Variants in PTPRD observed in about 807,000 individuals in gnomAD.
The protein encoded by PTPRD is protein tyrosine phosphatase receptor type D, also known as receptor-type tyrosine-protein phosphatase delta.
In PTPRD, 34 loss-of-function variants were observed where a neutral mutation model predicts 214.5. That is an observed-to-expected ratio of 0.16 (90% CI 0.12 to 0.21). The LOEUF (loss-of-function observed/expected upper bound fraction) is 0.21. Ranked by LOEUF, PTPRD falls within the 10% of genes least tolerant of loss-of-function variation. The pLI, the probability that PTPRD is intolerant of heterozygous loss-of-function variation, is 1.00. For synonymous variants in PTPRD, 1,128 were observed against 845.7 expected, an observed-to-expected ratio of 1.33 and a Z score of -5.79; for missense variants, 2,545 against 2,398.7, an observed-to-expected ratio of 1.06 and a Z score of -1.27.
At chr9:8,341,067 G>C in intron 41 of PTPRD, 23 bp downstream of exon 41, 1 of 1,562,330 alleles carries the variant, frequency 6.4e-7, no homozygotes, top group Non-Finnish European at 8.7e-7. Flanking sequence ...GCTTTGGATA[G>C]TCAGGGGAGC....
rs112253321 is a variant in PTPRD, at chr9:9,771,545, A to G, written c.-367-4694T>C. Among the ~76,000 whole-genome samples the G allele has an allele frequency of 9.3e-4, 141 of 152,214 alleles. 1 individual carries two copies. Among genetic ancestry groups the G allele is most frequent in the African/African-American group, 3.2e-3 (131 of 41,470 alleles). On this transcript the variant is annotated intron_variant, in intron 5 of 45. Transcript: ENST00000381196. ...TCCCTGTCAAAGCTGTCAGAAGATC[A>G]TAAGGATAGGCAGCAGAGTTACTCC...
chr9:9,907,468 T>C (rs1257439250), intron 5 of PTPRD, among the ~76,000 whole-genome samples: 1 of 152,000 alleles, frequency 6.6e-6, no homozygotes, highest in African/African-American at 2.4e-5. Context: ...GGCTTGACCA[T>C]GGTTGTCTTC....
At chr9:8,661,042 C>T (rs1372171070) in intron 12 of PTPRD, among the ~76,000 whole-genome samples, 1 of 152,034 alleles carries the variant, frequency 6.6e-6, no homozygotes, top group African/African-American at 2.4e-5. Flanking sequence ...GATGATGAAT[C>T]TGAGGCTTAT....
At chr9:10,471,939 A>G (rs1311607022) in intron 2 of PTPRD, among the ~76,000 whole-genome samples, 1 of 152,126 alleles carries the variant, frequency 6.6e-6, no homozygotes, top group African/African-American at 2.4e-5. Flanking sequence ...ACAAGGCCCG[A>G]CAATTCAAAA....
intron 11 of PTPRD, among the ~76,000 whole-genome samples, chr9:8,871,769 G>A (rs2098303350): frequency 7.0e-6 from 1 of 142,562 alleles, no homozygotes; most frequent in Non-Finnish European, 1.6e-5. Flanking sequence ...ATTTTACCTT[G>A]GTACAGCAAT....
rs901752537 is a variant in PTPRD at position 9,899,174 on chromosome 9, TC to T, written c.-368+39332del. Reference sequence around the variant, plus strand: ...CCAAGAAGAAGTACTTAGGAACAAATCTAACAAAATATGTAGAGAATCTGTA... The same window carrying T: ...CCAAGAAGAAGTACTTAGGAACAAATTAACAAAATATGTAGAGAATCTGTA... On this transcript the variant is annotated intron_variant, in intron 5 of 45. Coordinates refer to ENST00000381196, the MANE Select transcript of PTPRD (RefSeq NM_002839.4). Among the ~76,000 whole-genome samples, 45 of 151,968 alleles carry T rather than the reference TC, an allele frequency of 3.0e-4. 1 individual carries two copies. Among genetic ancestry groups the T allele is most frequent in the Admixed American group, 3.9e-4 (6 of 15,238 alleles).
chr9:10,261,649 G>A (rs949361677), intron 3 of PTPRD, among the ~76,000 whole-genome samples: 1 of 152,034 alleles, frequency 6.6e-6, no homozygotes, highest in Non-Finnish European at 1.5e-5. Context: ...CAATGATGCA[G>A]TATAATTTCT....
chr9:8,845,340 C>T (rs576669605), intron 11 of PTPRD, among the ~76,000 whole-genome samples: 2 of 152,178 alleles, frequency 1.3e-5, no homozygotes, highest in Non-Finnish European at 2.9e-5. Flanking sequence ...GAAAAAAAGT[C>T]GCCAAATCGT....
At chr9:10,070,089 T>C (rs190612513) in intron 3 of PTPRD, among the ~76,000 whole-genome samples, 2 of 152,126 alleles carry the variant, frequency 1.3e-5, no homozygotes, top group Admixed American at 1.3e-4. Context: ...AAAAAGGTAA[T>C]TCCCTTGCTC....
chr9:8,729,042 C>T (rs376391806), intron 12 of PTPRD, among the ~76,000 whole-genome samples: 1 of 152,152 alleles, frequency 6.6e-6, no homozygotes, highest in African/African-American at 2.4e-5. Context: ...TGGCCACTCA[C>T]TCTCTTTCTC....
chr9:9,428,497 G>A (rs1235262212), intron 8 of PTPRD, among the ~76,000 whole-genome samples: 1 of 152,148 alleles, frequency 6.6e-6, no homozygotes, highest in Non-Finnish European at 1.5e-5. Context: ...AGATCAATGA[G>A]ACAGAAAGTT....
chr9:9,865,903 C>G (rs1415207017), intron 5 of PTPRD, among the ~76,000 whole-genome samples: 9 of 152,166 alleles, frequency 5.9e-5, no homozygotes, highest in African/African-American at 2.2e-4. Flanking sequence ...TCTGTAATGG[C>G]TTCCAATTGT....
At chr9:9,805,463 G>C (rs1263540763) in intron 5 of PTPRD, among the ~76,000 whole-genome samples, 1 of 152,128 alleles carries the variant, frequency 6.6e-6, no homozygotes, top group African/African-American at 2.4e-5. Context: ...GATCAACTCT[G>C]TACCAGCTCA....
chr9:9,414,903 C>T (rs1231326871), intron 8 of PTPRD: 1 of 152,098 alleles, frequency 6.6e-6, no homozygotes, highest in Non-Finnish European at 1.5e-5. Flanking sequence ...ACCTGCTGGC[C>T]AACATTATGG....
rs115132096 is a variant in PTPRD at position 9,693,668 on chromosome 9, G to A, written c.-287+40865C>T. 1.5e-3 allele frequency among the ~76,000 whole-genome samples: 227 copies of A among 152,148 alleles called. 1 individual carries two copies. Among genetic ancestry groups the A allele is most frequent in the African/African-American group, 5.0e-3 (206 of 41,514 alleles). Reference sequence around the variant, plus strand: ...GGAAGTTTTCTGCTATTATCCCTTCGAATAAACTTTCTACTTCTATGTCTT... The same window carrying A: ...GGAAGTTTTCTGCTATTATCCCTTCAAATAAACTTTCTACTTCTATGTCTT... On this transcript the variant is annotated intron_variant, in intron 7 of 45. Transcript: ENST00000381196.
chr9:8,340,335 A>T lies in PTPRD; in HGVS notation c.5253+8T>A, dbSNP rs780560777. 3.1e-6 allele frequency: 5 copies of T among 1,597,160 alleles called. No individual in the cohort carries two copies. The highest frequency in any genetic ancestry group is 4.3e-6 in the Non-Finnish European group (5 of 1,167,540). On this transcript the variant is annotated splice_region_variant and intron_variant, in intron 42 of 45. Transcript: ENST00000381196. The stretch of plus-strand genomic sequence containing the variant: ...TTATGAGGAGACACACAAGGGCCAC[A>T]CACTTACTCTGCCCATTTCACGCAG...
chr9:9,444,102 T>C (rs1041046741), intron 8 of PTPRD, among the ~76,000 whole-genome samples: 4 of 152,214 alleles, frequency 2.6e-5, no homozygotes, highest in African/African-American at 9.6e-5. Context: ...TATAATCAAC[T>C]TGAATTTATT....
intron 9 of PTPRD, among the ~76,000 whole-genome samples, chr9:9,387,787 A>G (rs1255199508): frequency 1.3e-5 from 2 of 152,126 alleles, no homozygotes; most frequent in African/African-American, 2.4e-5. Context: ...AGGGGAGCAT[A>G]CAGATGGGCA....
At chr9:9,789,112 C>G (rs1053708552) in intron 5 of PTPRD, among the ~76,000 whole-genome samples, 11 of 152,136 alleles carry the variant, frequency 7.2e-5, no homozygotes, top group African/African-American at 2.7e-4. Flanking sequence ...TTTTGCCTTT[C>G]CATACATAGT....
Sources: allele counts gnomAD v4.1 joint callset (sites outside exome capture counted in the v4.1 genomes callset), GRCh38; gene constraint gnomAD v4.1.1; transcripts MANE v1.5; gene names NCBI Gene and HGNC (gene_info 2026-07-23, HGNC 2026-07-21).